The following B3GALT1 variants were observed in gnomAD, a reference collection of about 807,000 sequenced individuals.
B3GALT1 encodes beta-1,3-galactosyltransferase 1, also known as UDP-Gal:betaGlcNAc beta 1,3-galactosyltransferase, polypeptide 1.
A neutral mutation model predicts 23.2 loss-of-function variants in B3GALT1; 10 were observed. The ratio of observed to expected loss-of-function variants is 0.43; its 90% CI spans 0.27 to 0.73. B3GALT1 has a LOEUF of 0.73. Ranked by LOEUF, B3GALT1 falls within the 30% of genes least tolerant of loss-of-function variation. The pLI, the probability that B3GALT1 is intolerant of heterozygous loss-of-function variation, is 0.21. For missense variants in B3GALT1, 299 were observed against 405.4 expected (o/e 0.74, Z 2.25); for synonymous variants, 156 against 141.5 (o/e 1.10, Z -0.73).
chr2:167,512,870 A>G (rs1432427056), intron 2 of B3GALT1, among the ~76,000 whole-genome samples: 1 of 148,366 alleles, frequency 6.7e-6, no homozygotes, highest in Non-Finnish European at 1.5e-5. Context: ...TCTCAAACTT[A>G]TGAGCTCGTG....
intron 1 of B3GALT1, among the ~76,000 whole-genome samples, chr2:167,440,667 C>G (rs568236144): frequency 1.3e-5 from 2 of 151,746 alleles, no homozygotes; most frequent in Non-Finnish European, 2.9e-5. Flanking sequence ...TTCAATATTT[C>G]TCCCTATTTT....
chr2:167,588,705 T>C (rs1684619569), intron 2 of B3GALT1, among the ~76,000 whole-genome samples: 1 of 152,004 alleles, frequency 6.6e-6, no homozygotes, highest in South Asian at 2.1e-4. Flanking sequence ...TTATATGTTT[T>C]TTCTAATATG....
intron 2 of B3GALT1, among the ~76,000 whole-genome samples, chr2:167,562,793 G>GCGGCCTTC (rs1558906311): frequency 6.6e-6 from 1 of 151,966 alleles, no homozygotes; most frequent in East Asian, 1.9e-4. Context: ...AGAGGACCCT[G>GCGGCCTTC]CGGCCTTCCG....
At chr2:167,652,078 G>A (rs918805351) in intron 3 of B3GALT1, among the ~76,000 whole-genome samples, 2 of 152,276 alleles carry the variant, frequency 1.3e-5, no homozygotes, top group South Asian at 2.1e-4. Context: ...AAGGAAAGCA[G>A]GAAGCTAACA....
At chr2:167,700,543 G>A (rs2105509281) in intron 3 of B3GALT1, among the ~76,000 whole-genome samples, 1 of 152,270 alleles carries the variant, frequency 6.6e-6, no homozygotes, top group East Asian at 1.9e-4. Context: ...CAATGGACTA[G>A]TCTCTAAAGT....
At chr2:167,622,420 G>C (rs1685275098) in intron 2 of B3GALT1, among the ~76,000 whole-genome samples, 1 of 152,036 alleles carries the variant, frequency 6.6e-6, no homozygotes, top group South Asian at 2.1e-4. Flanking sequence ...TTAAGCATGA[G>C]GACAAAAGGC....
chr2:167,658,151 A>G (rs2105470013), intron 3 of B3GALT1, among the ~76,000 whole-genome samples: 1 of 152,288 alleles, frequency 6.6e-6, no homozygotes, highest in African/African-American at 2.4e-5. Flanking sequence ...AAGGGTATGA[A>G]CAACATAGAC....
intron 1 of B3GALT1, among the ~76,000 whole-genome samples, chr2:167,314,002 A>G (rs1387103115): frequency 2.0e-5 from 3 of 152,126 alleles, no homozygotes; most frequent in Non-Finnish European, 2.9e-5. Context: ...CAGCAAGATC[A>G]TATCGTGTTA....
chr2:167,501,718 CAAAAAA>C (rs35445623), intron 2 of B3GALT1, among the ~76,000 whole-genome samples: 37 of 65,424 alleles, frequency 5.7e-4, no homozygotes, highest in African/African-American at 1.8e-3. Context: ...TCTACAGTGG[CAAAAAA>C]AAAAAAAAAA....
chr2:167,581,789 C>G (rs545575535), intron 2 of B3GALT1, among the ~76,000 whole-genome samples: 1 of 152,258 alleles, frequency 6.6e-6, no homozygotes, highest in Non-Finnish European at 1.5e-5. Context: ...GAATCACATT[C>G]CAAATATTTC....
chr2:167,408,077 C>G (rs1038226783), intron 1 of B3GALT1, among the ~76,000 whole-genome samples: 2 of 145,668 alleles, frequency 1.4e-5, no homozygotes, highest in Admixed American at 6.8e-5. Flanking sequence ...CACACAGACA[C>G]ACAAAACTAC....
chr2:167,633,291 G>A (rs2122086), intron 2 of B3GALT1, among the ~76,000 whole-genome samples: 81,728 of 151,470 alleles, frequency 0.54, 25,127 homozygotes, highest in Non-Finnish European at 0.7. Flanking sequence ...CAGAGAGAAA[G>A]GTTGGATTAC....
chr2:167,777,550 G>C (rs186015694), intron 3 of B3GALT1, among the ~76,000 whole-genome samples: 2 of 152,204 alleles, frequency 1.3e-5, no homozygotes, highest in Admixed American at 1.3e-4. Flanking sequence ...GTTTCGCCTT[G>C]TTGGCCAGGC....
At chr2:167,837,502 T>C (rs1423689788) in intron 4 of B3GALT1, among the ~76,000 whole-genome samples, 2 of 127,872 alleles carry the variant, frequency 1.6e-5, no homozygotes, top group Non-Finnish European at 3.6e-5. Flanking sequence ...ATGCACCCAA[T>C]ACAGGAGCAC....
At chr2:167,588,332 A>G (rs879716215) in intron 2 of B3GALT1, among the ~76,000 whole-genome samples, 9 of 152,248 alleles carry the variant, frequency 5.9e-5, no homozygotes, top group Non-Finnish European at 1.2e-4. Flanking sequence ...TTTGCTAATT[A>G]AAGCAAAAGG....
intron 1 of B3GALT1, among the ~76,000 whole-genome samples, chr2:167,354,471 T>C (rs1309855734): frequency 1.3e-5 from 2 of 151,702 alleles, no homozygotes; most frequent in African/African-American, 4.8e-5. Context: ...CTCAGCCTCC[T>C]GAGTAGCTAG....
At chr2:167,324,251 T>C (rs1268173270) in intron 1 of B3GALT1, among the ~76,000 whole-genome samples, 5 of 152,080 alleles carry the variant, frequency 3.3e-5, no homozygotes, top group African/African-American at 1.2e-4. Flanking sequence ...AGTTCTTTTT[T>C]CTTTTTTATT....
At chr2:167,657,720 T>A (rs1407190747) in intron 3 of B3GALT1, among the ~76,000 whole-genome samples, 2 of 152,122 alleles carry the variant, frequency 1.3e-5, no homozygotes, top group Non-Finnish European at 2.9e-5. Context: ...CTGTGGTGTG[T>A]AAGGTTTTTT....
intron 2 of B3GALT1, among the ~76,000 whole-genome samples, chr2:167,592,109 G>A (rs536974804): frequency 5.6e-4 from 86 of 152,268 alleles, no homozygotes; most frequent in Admixed American, 3.3e-3. Context: ...TATGGGAGGT[G>A]CAAGTTTGGA....
Sources: gnomAD v4.1 joint callset for allele counts (sites outside exome capture counted in the v4.1 genomes callset) on GRCh38, gnomAD v4.1.1 for gene constraint, MANE v1.5 for transcripts, NCBI Gene and HGNC (gene_info 2026-07-23, HGNC 2026-07-21) for gene names.